Variants in TRRAP observed in about 807,000 individuals in gnomAD.
The protein encoded by TRRAP is transformation/transcription domain associated protein, also known as transformation/transcription domain-associated protein.
Under a neutral mutation model 438.8 loss-of-function variants are expected in TRRAP, and 41 were observed. The observed-to-expected ratio is 0.09, with a 90% confidence interval of 0.07 to 0.12. The LOEUF (loss-of-function observed/expected upper bound fraction) is 0.12, where lower values mean the gene tolerates loss of function less well. TRRAP is among the 10% of genes least tolerant of loss of function. The pLI is 1.00. For missense variants in TRRAP, 3,122 were observed against 5,055.1 expected, an observed-to-expected ratio of 0.62 and a Z score of 11.60; for synonymous variants, 1,994 against 1,962.9, an observed-to-expected ratio of 1.02 and a Z score of -0.42.
intron 67 of TRRAP, among the ~76,000 whole-genome samples, chr7:99,001,757 A>G (rs922059970): frequency 1.1e-4 from 16 of 152,180 alleles, no homozygotes; most frequent in Non-Finnish European, 2.1e-4. Context: ...TGCCAACCAC[A>G]TGTCTGTAAA....
chr7:98,986,614 T>TA (rs1186522527), intron 62 of TRRAP, among the ~76,000 whole-genome samples: 2 of 152,224 alleles, frequency 1.3e-5, no homozygotes, highest in South Asian at 2.1e-4. Context: ...CTCTTGCAGA[T>TA]ATATGATTTC....
intron 30 of TRRAP, among the ~76,000 whole-genome samples, chr7:98,941,793 G>A (rs1015787844): frequency 1.3e-5 from 2 of 152,258 alleles, no homozygotes; most frequent in Middle Eastern, 3.4e-3. Flanking sequence ...CACGATGTCG[G>A]TGTTTCATGA....
At chr7:98,879,721 A>G (rs1452984969) in intron 1 of TRRAP, among the ~76,000 whole-genome samples, 1 of 152,184 alleles carries the variant, frequency 6.6e-6, no homozygotes, top group Non-Finnish European at 1.5e-5. Context: ...ACCCGGAGCC[A>G]GAGGGCTGGG....
intron 27 of TRRAP, among the ~76,000 whole-genome samples, chr7:98,934,922 A>G (rs6953936): frequency 6.6e-6 from 1 of 152,092 alleles, no homozygotes; most frequent in Non-Finnish European, 1.5e-5. Flanking sequence ...TAAGTCTTTT[A>G]CCAGGTTGGA....
chr7:98,912,479 C>T (rs1454386897), intron 18 of TRRAP, among the ~76,000 whole-genome samples: 2 of 151,522 alleles, frequency 1.3e-5, no homozygotes, highest in Non-Finnish European at 2.9e-5. Flanking sequence ...TAAATATTTG[C>T]AACAAATAAG....
Position 98,948,215 on chromosome 7 carries a change from G to C in TRRAP, c.4549-6G>C, listed in dbSNP as rs1427119330. 1 of 1,613,864 alleles carries C rather than the reference G, an allele frequency of 6.2e-7. No homozygotes were observed. Among genetic ancestry groups the C allele is most frequent in the East Asian group, 2.2e-5 (1 of 44,894 alleles). On this transcript the variant is annotated splice_region_variant and splice_polypyrimidine_tract_variant and intron_variant, in intron 33 of 72. Coordinates refer to ENST00000456197, the MANE Select transcript of TRRAP (RefSeq NM_001375524.1). This position sits in a 1 kb window ranked among gnomAD's most constrained non-coding sequence, Gnocchi z 4.9. ...CCTGTTTATAATTTCTGGTTTTCTT[G>C]ATCAGGAAATGAAGATTTGCTCAGC...
chr7:98,970,636 A>G (rs183688779), intron 52 of TRRAP, among the ~76,000 whole-genome samples: 1 of 151,522 alleles, frequency 6.6e-6, no homozygotes, highest in East Asian at 2.0e-4. Flanking sequence ...AGCATCTTGC[A>G]CTCCCATTCG....
intron 62 of TRRAP, among the ~76,000 whole-genome samples, chr7:98,986,927 G>A (rs1793174222): frequency 6.6e-6 from 1 of 152,166 alleles, no homozygotes; most frequent in Non-Finnish European, 1.5e-5. Context: ...ATATACGGTT[G>A]TCCCAGCACC....
Position 98,908,998 on chromosome 7 carries a change from C to G in TRRAP, c.1350+36C>G. ...TTCTGAGAGTATCATCCATCCTGCA[C>G]TCTATCCTGTTTGTGGCTAAATTTT... On this transcript the variant is annotated intron_variant, in intron 14 of 72. Coordinates refer to ENST00000456197, the MANE Select transcript of TRRAP (RefSeq NM_001375524.1). The surrounding 1 kb of genome is among the most constrained non-coding windows in gnomAD (Gnocchi z 4.1). 1 of 1,497,244 alleles carries G rather than the reference C, an allele frequency of 6.7e-7. No individual in the cohort carries two copies. The highest frequency in any genetic ancestry group is 9.2e-7 in the Non-Finnish European group (1 of 1,089,396). 92.7% of individuals were successfully genotyped at this position (1,497,244 alleles called of 1,614,324 possible).
chr7:98,989,075 A>G (rs1793276337), intron 63 of TRRAP, 109 bp downstream of exon 63: 4 of 1,122,458 alleles, frequency 3.6e-6, no homozygotes, highest in Non-Finnish European at 5.1e-6. Flanking sequence ...GCATGATTTC[A>G]TGCCTTAACT....
At chr7:99,009,289 GAAGGA>G (rs999971588) in intron 70 of TRRAP, among the ~76,000 whole-genome samples, 12 of 152,296 alleles carry the variant, frequency 7.9e-5, no homozygotes, top group Non-Finnish European at 1.5e-4. Flanking sequence ...TGGGTCCCAA[GAAGGA>G]GAGACCACAG....
rs567468806 is a variant in TRRAP at position 98,959,425 on chromosome 7, C to G, written c.6424C>G (p.Arg2142Gly). Residue 2142 changes from arginine to glycine, a missense_variant, in exon 45 of 73, where the codon CGG becomes GGG. Coordinates refer to ENST00000456197, the MANE Select transcript of TRRAP (RefSeq NM_001375524.1). ...RCVNLLKTAL[R>G]PDMWPKSELK... is the part of the protein sequence containing the mutation. ...TGTGAACCTTCTGAAGACTGCGTTG[C>G]GGCCAGACATGTGGCCCAAGTCCGA... is the stretch of plus-strand genomic sequence containing the variant. 6.2e-7 allele frequency: 1 copy of G among 1,614,034 alleles called. No homozygotes were observed. The highest frequency in any genetic ancestry group is 1.1e-5 in the South Asian group (1 of 91,070).
chr7:98,908,768 G>A lies in TRRAP; in HGVS notation c.1156G>A (p.Val386Ile), dbSNP rs2116397944. ...YSTLADLVHH[V>I]RQHLPLSDLS... ...CACGCTGGCCGACCTCGTGCACCATGTCCGCCAGCACCTGCCCCTCAGCGA... is the reference window on the plus strand; with the variant it reads ...CACGCTGGCCGACCTCGTGCACCATATCCGCCAGCACCTGCCCCTCAGCGA... Residue 386 changes from valine (V) to isoleucine (I), a missense_variant, in exon 14 of 73, where the codon GTC becomes ATC. Coordinates refer to ENST00000456197, the MANE Select transcript of TRRAP (RefSeq NM_001375524.1). This position sits in a 1 kb window ranked among gnomAD's most constrained non-coding sequence, Gnocchi z 4.1. 1 of 1,571,524 alleles carries A rather than the reference G, an allele frequency of 6.4e-7. No individual in the cohort carries two copies. Among genetic ancestry groups the A allele is most frequent in the Non-Finnish European group, 8.6e-7 (1 of 1,158,678 alleles).
At position 98,958,104 on chromosome 7, in the gene TRRAP, A is replaced by T. The variant is rs782706890; in HGVS notation, c.6342+13A>T. 1.2e-6 allele frequency: 2 copies of T among 1,612,168 alleles called. No individual in the cohort carries two copies. The highest frequency in any genetic ancestry group is 3.3e-5 in the Admixed American group (2 of 59,898). ...CGTGGCCTGTCAGGTACGGGATCCAAGTGCCCTGCGTTAGGGCTTCTGCAG... is the reference window on the plus strand; with the variant it reads ...CGTGGCCTGTCAGGTACGGGATCCATGTGCCCTGCGTTAGGGCTTCTGCAG... On this transcript the variant is annotated intron_variant, in intron 44 of 72. Coordinates refer to ENST00000456197, the MANE Select transcript of TRRAP (RefSeq NM_001375524.1).
chr7:98,948,492 A>T lies in TRRAP; in HGVS notation c.4669-74A>T. ...TGTTCATGCACTCCAGTAACAAGGG[A>T]CCTTGTTAGGTAGACAGCCTCAAGC... On this transcript the variant is annotated intron_variant, in intron 34 of 72. Coordinates refer to ENST00000456197, the MANE Select transcript of TRRAP (RefSeq NM_001375524.1). The surrounding 1 kb of genome is among the most constrained non-coding windows in gnomAD (Gnocchi z 4.9). 3 of 1,612,496 alleles carry T rather than the reference A, an allele frequency of 1.9e-6. No individual in the cohort carries two copies. The highest frequency in any genetic ancestry group is 1.7e-6 in the Non-Finnish European group (2 of 1,179,246).
rs1796887040 is a variant in TRRAP at position 98,908,376 on chromosome 7, A to G, written c.1116-352A>G. Among the ~76,000 whole-genome samples the G allele has an allele frequency of 6.6e-6, 1 of 152,212 alleles. No homozygotes were observed. The highest frequency in any genetic ancestry group is 2.4e-5 in the African/African-American group (1 of 41,472). On this transcript the variant is annotated intron_variant, in intron 13 of 72. Coordinates refer to ENST00000456197, the MANE Select transcript of TRRAP (RefSeq NM_001375524.1). This position sits in a 1 kb window ranked among gnomAD's most constrained non-coding sequence, Gnocchi z 4.1. ...TCTCTGTAAAGTGGTCATCATATAT[A>G]AAGATTGATTGACCCGTCCTATTTA...
intron 38 of TRRAP, 42 bp downstream of exon 38, chr7:98,950,304 G>C: frequency 6.2e-7 from 1 of 1,601,146 alleles, no homozygotes; most frequent in Non-Finnish European, 8.5e-7. Flanking sequence ...TGGGTATTTG[G>C]TCTGGTTTTC....
chr7:98,937,319 C>T, intron 29 of TRRAP, 42 bp downstream of exon 29: 1 of 1,592,600 alleles, frequency 6.3e-7, no homozygotes, highest in Non-Finnish European at 8.5e-7. Flanking sequence ...CGTGTGTGCA[C>T]ACACATGTGT....
chr7:98,970,529 T>G (rs1206819085), intron 52 of TRRAP, among the ~76,000 whole-genome samples: 1 of 152,178 alleles, frequency 6.6e-6, no homozygotes, highest in African/African-American at 2.4e-5. Context: ...AGATTTGTTT[T>G]GGGCATGAAC....
Sources: gnomAD v4.1 joint callset for allele counts (sites outside exome capture counted in the v4.1 genomes callset) on GRCh38, gnomAD v4.1.1 for gene constraint, Gnocchi (gnomAD v3.1) non-coding constraint, MANE v1.5 for transcripts, NCBI Gene and HGNC (gene_info 2026-07-23, HGNC 2026-07-21) for gene names.